The following CDH9 variants were observed in gnomAD, a reference collection of about 807,000 sequenced individuals.
CDH9 encodes the protein cadherin 9.
CDH9 carries 28 observed loss-of-function variants against 70.9 expected under a neutral mutation model. That is an observed-to-expected ratio of 0.40 (90% CI 0.29 to 0.54). The LOEUF (loss-of-function observed/expected upper bound fraction) is 0.54. Ranked by LOEUF, CDH9 falls within the 20% of genes least tolerant of loss-of-function variation. The pLI, the probability that CDH9 is intolerant of heterozygous loss-of-function variation, is 0.59. For synonymous variants in CDH9, 409 were observed against 343.1 expected, an observed-to-expected ratio of 1.19 and a Z score of -2.12; for missense variants, 874 against 984.4, an observed-to-expected ratio of 0.89 and a Z score of 1.50.
At chr5:26,901,032 T>C (rs1000862437) in intron 7 of CDH9, among the ~76,000 whole-genome samples, 1 of 152,036 alleles carries the variant, frequency 6.6e-6, no homozygotes, top group East Asian at 1.9e-4. Context: ...TACATTGCTT[T>C]GGATATGAAC....
chr5:26,903,576 C>A (rs1203420077), intron 6 of CDH9, 61 bp downstream of exon 6: 1 of 1,131,828 alleles, frequency 8.8e-7, no homozygotes, highest in South Asian at 1.2e-5. Flanking sequence ...TTTCCCTTTA[C>A]TGAAAAGCAA....
chr5:26,976,503 T>C (rs936110885), intron 2 of CDH9, among the ~76,000 whole-genome samples: 1 of 152,144 alleles, frequency 6.6e-6, no homozygotes, highest in Non-Finnish European at 1.5e-5. Context: ...AGTGGTGCGA[T>C]CTTGGCTGAC....
chr5:27,023,637 A>C (rs1464294285), intron 1 of CDH9, among the ~76,000 whole-genome samples: 1 of 152,042 alleles, frequency 6.6e-6, no homozygotes, highest in African/African-American at 2.4e-5. Context: ...TCAATTAATT[A>C]TACTGTAAAT....
At chr5:27,003,875 C>A (rs975924537) in intron 1 of CDH9, among the ~76,000 whole-genome samples, 1 of 151,748 alleles carries the variant, frequency 6.6e-6, no homozygotes, top group African/African-American at 2.4e-5. Context: ...TAAAATATAT[C>A]AATATTTCTT....
chr5:26,897,627 G>A (rs1337667418), intron 7 of CDH9, among the ~76,000 whole-genome samples: 1 of 152,098 alleles, frequency 6.6e-6, no homozygotes, highest in Non-Finnish European at 1.5e-5. Context: ...ACCCTTTCAT[G>A]CTATAAACTT....
At chr5:26,924,789 G>C (rs989524807) in intron 2 of CDH9, among the ~76,000 whole-genome samples, 13 of 151,980 alleles carry the variant, frequency 8.6e-5, no homozygotes, top group Non-Finnish European at 1.8e-4. Context: ...ACCTATAAGT[G>C]AGAACATGCA....
chr5:27,025,631 GT>G (rs1743208263), intron 1 of CDH9, among the ~76,000 whole-genome samples: 1 of 152,058 alleles, frequency 6.6e-6, no homozygotes, highest in Non-Finnish European at 1.5e-5. Context: ...AAATGCCATT[GT>G]GTAATTAGGT....
chr5:26,905,812 T>G lies in CDH9; in HGVS notation c.811+147A>C, dbSNP rs1579674939. 7.2e-4 allele frequency: 9 copies of G among 12,468 alleles called. No individual in the cohort carries two copies. In the South Asian group the frequency reaches 1.0e-2, roughly 14 times the overall value. The allele number at this position is 12,468 out of a possible 1,614,324, so 0.8% of individuals were successfully genotyped here. On this transcript the variant is annotated intron_variant, in intron 5 of 11. Transcript: ENST00000231021. The stretch of plus-strand genomic sequence containing the variant: ...CACTCTCTATTTGTGGGAAATTGTG[T>G]TTTTTTTTTGGTAGAGGAATGGATT...
chr5:26,885,280 T>G (rs994557854), intron 11 of CDH9, among the ~76,000 whole-genome samples: 1 of 152,180 alleles, frequency 6.6e-6, no homozygotes, highest in Non-Finnish European at 1.5e-5. Context: ...GTATTTACCT[T>G]ATACAGTTGA....
chr5:26,926,926 C>CCCA (rs1554037341), intron 2 of CDH9, among the ~76,000 whole-genome samples: 3 of 143,712 alleles, frequency 2.1e-5, no homozygotes, highest in Non-Finnish European at 3.0e-5. Context: ...AGCCCCCCCC[C>CCCA]GCAAAAAAAA....
intron 1 of CDH9, among the ~76,000 whole-genome samples, chr5:27,032,099 G>T (rs185659765): frequency 6.5e-4 from 99 of 151,838 alleles, no homozygotes; most frequent in Non-Finnish European, 7.4e-5. Context: ...TCTATATATA[G>T]AGATATGTAT....
intron 1 of CDH9, among the ~76,000 whole-genome samples, chr5:26,998,377 C>T (rs562288916): frequency 6.6e-6 from 1 of 152,180 alleles, no homozygotes; most frequent in African/African-American, 2.4e-5. Flanking sequence ...GGCACATATA[C>T]ACATGGAATA....
chr5:26,979,499 A>G (rs1742363462), intron 2 of CDH9, among the ~76,000 whole-genome samples: 1 of 151,860 alleles, frequency 6.6e-6, no homozygotes, highest in African/African-American at 2.4e-5. Context: ...GGGGGAACAG[A>G]AAACAAGAAA....
In CDH9 at chr5:26,895,468, A is replaced by G. The variant is rs117773561; in HGVS notation, c.1254-4904T>C. On this transcript the variant is annotated intron_variant, in intron 7 of 11. Coordinates refer to ENST00000231021, the MANE Select transcript of CDH9 (RefSeq NM_016279.4). ...GTCATGGACATTTTATTGAGGCATA[A>G]TTAAATCCCTCACCAGAAAGTTTGT... Among the ~76,000 whole-genome samples the G allele has an allele frequency of 1.5e-4, 23 of 152,152 alleles. No homozygotes were observed. In the East Asian group the frequency reaches 4.1e-3, roughly 27 times the overall value.
At chr5:26,937,925 A>G (rs1440944693) in intron 2 of CDH9, among the ~76,000 whole-genome samples, 1 of 152,018 alleles carries the variant, frequency 6.6e-6, no homozygotes, top group Non-Finnish European at 1.5e-5. Context: ...ATTTGGGAAA[A>G]CCCATTGAAC....
chr5:26,928,043 CTTAAG>C (rs1196928378), intron 2 of CDH9, among the ~76,000 whole-genome samples: 1 of 151,930 alleles, frequency 6.6e-6, no homozygotes, highest in Non-Finnish European at 1.5e-5. Flanking sequence ...CTTTCTGTAA[CTTAAG>C]TTAAATTATA....
At chr5:26,947,029 T>A (rs1741766622) in intron 2 of CDH9, among the ~76,000 whole-genome samples, 1 of 152,172 alleles carries the variant, frequency 6.6e-6, no homozygotes, top group Admixed American at 6.5e-5. Flanking sequence ...ACCTGATACA[T>A]AATTGTTATG....
intron 2 of CDH9, among the ~76,000 whole-genome samples, chr5:26,961,026 C>CTCTTCTTGCTCCTTGTCCTCCT: frequency 6.6e-6 from 1 of 151,622 alleles, no homozygotes; most frequent in African/African-American, 2.4e-5. Flanking sequence ...AGAGTCCTTC[C>CTCTTCTTGCTCCTTGTCCTCCT]TCTCTTCTTG....
chr5:26,923,819 G>A (rs918844083), intron 2 of CDH9, among the ~76,000 whole-genome samples: 13 of 151,944 alleles, frequency 8.6e-5, no homozygotes, highest in African/African-American at 2.9e-4. Context: ...TGATAAGTGG[G>A]TCAATGAATA....
Sources: gnomAD v4.1 joint callset for allele counts (sites outside exome capture counted in the v4.1 genomes callset) on GRCh38, gnomAD v4.1.1 for gene constraint, MANE v1.5 for transcripts, NCBI Gene and HGNC (gene_info 2026-07-23, HGNC 2026-07-21) for gene names.